SLCO2A1: variants seen among roughly 807,000 people sequenced by gnomAD.
SLCO2A1 encodes matrin F/G 1.
In SLCO2A1, 60 loss-of-function variants were observed where a neutral mutation model predicts 71.7. That is an observed-to-expected ratio of 0.84 (90% CI 0.68 to 1.04). The LOEUF is 1.04. Among genes scored for constraint, SLCO2A1 ranks in the 50% least tolerant of loss-of-function variants. SLCO2A1 has a pLI of 0.00. For synonymous variants in SLCO2A1, 308 were observed against 326.7 expected (o/e 0.94, Z 0.62); for missense variants, 745 against 813.4 (o/e 0.92, Z 1.02).
intron 1 of SLCO2A1, among the ~76,000 whole-genome samples, chr3:133,996,032 C>T (rs544812035): frequency 1.3e-5 from 2 of 152,222 alleles, no homozygotes; most frequent in Admixed American, 6.5e-5. Context: ...CCAGTTTTGA[C>T]TCTTGGCCTT....
rs1358680574 is a variant in SLCO2A1 at position 133,993,254 on chromosome 3, G to GAACTC, written c.97-13637_97-13636insGAGTT. Among the ~76,000 whole-genome samples, 274 of 152,384 alleles carry GAACTC rather than the reference G, an allele frequency of 1.8e-3. 2 individuals are homozygous for GAACTC. Among genetic ancestry groups the GAACTC allele is most frequent in the African/African-American group, 6.4e-3 (268 of 41,600 alleles). The stretch of plus-strand genomic sequence containing the variant: ...GCGACCAGCTAGGTCCAGTTCCCGT[G>GAACTC]CACTCCAGTTCCCGCCCGTGAAGGG... On this transcript the variant is annotated intron_variant, in intron 1 of 13. Transcript: ENST00000310926.
intron 1 of SLCO2A1, among the ~76,000 whole-genome samples, chr3:134,009,164 A>G (rs1935281655): frequency 6.6e-6 from 1 of 152,258 alleles, no homozygotes; most frequent in Non-Finnish European, 1.5e-5. Context: ...AATACAGGAC[A>G]TGTTTACTGT....
intron 1 of SLCO2A1, among the ~76,000 whole-genome samples, chr3:134,025,992 G>GTTAT (rs1935694450): frequency 2.0e-5 from 3 of 152,178 alleles, no homozygotes. Context: ...GTCACTTCAT[G>GTTAT]TTATGTATGT....
chr3:133,988,414 C>G (rs954423473), intron 1 of SLCO2A1, among the ~76,000 whole-genome samples: 4 of 152,300 alleles, frequency 2.6e-5, no homozygotes, highest in African/African-American at 9.6e-5. Flanking sequence ...TGGAAGCCCC[C>G]ACTGCAAGTT....
chr3:133,968,379 G>C (rs1934239359), intron 3 of SLCO2A1, among the ~76,000 whole-genome samples: 1 of 152,026 alleles, frequency 6.6e-6, no homozygotes, highest in African/African-American at 2.4e-5. Flanking sequence ...CCATAGGTGG[G>C]TGTTCACTGT....
chr3:133,963,512 T>G (rs1296516462), intron 3 of SLCO2A1, among the ~76,000 whole-genome samples: 4 of 152,206 alleles, frequency 2.6e-5, no homozygotes, highest in Non-Finnish European at 4.4e-5. Flanking sequence ...CTCATCATTC[T>G]AGTAAAGCAA....
At chr3:134,026,180 A>G (rs1269941686) in intron 1 of SLCO2A1, among the ~76,000 whole-genome samples, 1 of 152,152 alleles carries the variant, frequency 6.6e-6, no homozygotes, top group East Asian at 1.9e-4. Flanking sequence ...TACTCACCCC[A>G]TAGGACGACT....
At chr3:134,022,960 C>T (rs1051140600) in intron 1 of SLCO2A1, among the ~76,000 whole-genome samples, 65 of 152,190 alleles carry the variant, frequency 4.3e-4, no homozygotes, top group African/African-American at 1.5e-3. Context: ...CTCTCAAAAA[C>T]TAAGTCTTTT....
intron 1 of SLCO2A1, among the ~76,000 whole-genome samples, chr3:134,011,344 C>T (rs1935341609): frequency 1.3e-5 from 2 of 152,210 alleles, no homozygotes; most frequent in Admixed American, 6.5e-5. Context: ...CCACTGTGCC[C>T]AGCCTACACA....
intron 1 of SLCO2A1, among the ~76,000 whole-genome samples, chr3:134,028,557 T>C (rs1479887964): frequency 1.3e-5 from 2 of 152,164 alleles, no homozygotes; most frequent in African/African-American, 4.8e-5. Context: ...GCAGGTGAGA[T>C]CCACTCTGAC....
Position 134,007,157 on chromosome 3 carries a change from A to G in SLCO2A1, c.96+22550T>C, listed in dbSNP as rs77451235. Among the ~76,000 whole-genome samples the G allele has an allele frequency of 3.9e-3, 599 of 152,198 alleles. 14 individuals are homozygous for G. In the East Asian group the frequency reaches 0.06, roughly 15 times the overall value. ...AAATGTCTATTCAAGTCCTTTGCCA[A>G]TTTTTAAATTCGGTTTGTTGTTGTT... On this transcript the variant is annotated intron_variant, in intron 1 of 13. Coordinates refer to ENST00000310926, the MANE Select transcript of SLCO2A1 (RefSeq NM_005630.3).
chr3:133,994,785 A>G (rs1349160174), intron 1 of SLCO2A1, among the ~76,000 whole-genome samples: 4 of 151,900 alleles, frequency 2.6e-5, no homozygotes, highest in Non-Finnish European at 2.9e-5. Context: ...GGGACCTCAC[A>G]CTGTCTCCTC....
intron 1 of SLCO2A1, among the ~76,000 whole-genome samples, chr3:134,019,354 C>T (rs2108078360): frequency 6.6e-6 from 1 of 152,274 alleles, no homozygotes. Context: ...CTGGTACATT[C>T]ATACAGCTCA....
rs374307244 is a variant in SLCO2A1, at chr3:133,955,094, G to A, written c.497C>T (p.Thr166Ile). 4 of 1,614,082 alleles carry A rather than the reference G, an allele frequency of 2.5e-6. No individual in the cohort carries two copies. Among genetic ancestry groups the A allele is most frequent in the Admixed American group, 3.3e-5 (2 of 60,008 alleles). Residue 166 changes from threonine (T) to isoleucine (I), a missense_variant, in exon 4 of 14, where the codon ACC (threonine) becomes ATC (isoleucine). Transcript: ENST00000310926. ...HSTTQNPQKE[T>I]SSMWGLMVVA... Reference sequence around the variant, plus strand: ...CACCATCAGGCCCCACATGCTGCTGGTCTCCTTCTGGGGGTTCTGGGTGGT... The same window carrying A: ...CACCATCAGGCCCCACATGCTGCTGATCTCCTTCTGGGGGTTCTGGGTGGT...
intron 3 of SLCO2A1, among the ~76,000 whole-genome samples, chr3:133,960,549 G>T (rs544742353): frequency 6.6e-6 from 1 of 152,320 alleles, no homozygotes; most frequent in Admixed American, 6.5e-5. Flanking sequence ...GGGACTGGGG[G>T]AGATGGGAAT....
Position 133,950,727 on chromosome 3 carries a change from G to A in SLCO2A1, c.861+481C>T, listed in dbSNP as rs145479053. On this transcript the variant is annotated intron_variant, in intron 6 of 13. Transcript: ENST00000310926. The stretch of plus-strand genomic sequence containing the variant: ...TCCCTGATTCCTTTCCCCAGCAGGC[G>A]TGACTGGAAGATGCTTGGAAGGTCC... Among the ~76,000 whole-genome samples, 8 of 152,258 alleles carry A rather than the reference G, an allele frequency of 5.3e-5. No homozygotes were observed. The South Asian group carries it at 1.2e-3, about 24-fold the overall frequency.
rs1491270293 is a variant in SLCO2A1, at chr3:134,029,488, ACT to A, written c.96+217_96+218del. The stretch of plus-strand genomic sequence containing the variant: ...AAGGCGTGTGAACACACACACACAC[ACT>A]CGCACGCACACACACACGCTCACAC... On this transcript the variant is annotated intron_variant, in intron 1 of 13. Transcript: ENST00000310926. Among the ~76,000 whole-genome samples the A allele has an allele frequency of 5.2e-3, 680 of 130,868 alleles. 2 individuals are homozygous for A. The highest frequency in any genetic ancestry group is 0.021 in the African/African-American group (635 of 30,828). 85.9% of individuals were successfully genotyped at this position (130,868 alleles called of 152,430 possible).
At chr3:133,958,942 G>C (rs986270199) in intron 3 of SLCO2A1, among the ~76,000 whole-genome samples, 2 of 152,154 alleles carry the variant, frequency 1.3e-5, no homozygotes, top group African/African-American at 4.8e-5. Flanking sequence ...TTGTCTCATA[G>C]GCCGTGGGGT....
chr3:133,960,091 G>A (rs972588272), intron 3 of SLCO2A1, among the ~76,000 whole-genome samples: 2 of 152,254 alleles, frequency 1.3e-5, no homozygotes, highest in East Asian at 1.9e-4. Context: ...CTGCACTCCA[G>A]CCTGGGTGAC....
Sources: allele counts gnomAD v4.1 joint callset (sites outside exome capture counted in the v4.1 genomes callset), GRCh38; gene constraint gnomAD v4.1.1; transcripts MANE v1.5; gene names NCBI Gene and HGNC (gene_info 2026-07-23, HGNC 2026-07-21).